The following POLR1A variants were observed in gnomAD, a reference collection of about 807,000 sequenced individuals.
POLR1A encodes DNA-directed RNA polymerase I subunit RPA1.
Under a neutral mutation model 205.3 loss-of-function variants are expected in POLR1A, and 84 were observed. The ratio of observed to expected loss-of-function variants is 0.41; its 90% confidence interval spans 0.34 to 0.49. The LOEUF (loss-of-function observed/expected upper bound fraction) is 0.49, where lower values mean the gene tolerates loss of function less well. Among genes scored for constraint, POLR1A ranks in the 20% least tolerant of loss-of-function variants. The probability of loss-of-function intolerance (pLI) is 0.22; values close to 1 mark genes in which losing one functional copy is unlikely to be tolerated. For missense variants in POLR1A, 1,645 were observed against 2,204.5 expected (o/e 0.75, Z 5.08); for synonymous variants, 799 against 863.7 (o/e 0.93, Z 1.31).
At chr2:86,074,952 G>T in intron 12 of POLR1A, 78 bp downstream of exon 12, 1 of 1,022,172 alleles carries the variant, frequency 9.8e-7, no homozygotes. Flanking sequence ...GCGCACCGGA[G>T]CCACACCTGA....
chr2:86,103,404 C>A (rs933248768), intron 1 of POLR1A, among the ~76,000 whole-genome samples: 3 of 152,054 alleles, frequency 2.0e-5, no homozygotes, highest in Admixed American at 1.3e-4. Flanking sequence ...CTGAAATGAC[C>A]CCTCCAGGCC....
chr2:86,056,323 G>A (rs1220654577), intron 14 of POLR1A, among the ~76,000 whole-genome samples: 2 of 135,756 alleles, frequency 1.5e-5, no homozygotes, highest in Non-Finnish European at 3.2e-5. Context: ...ATGGTGGCGG[G>A]TGCCTGTTAT....
At chr2:86,042,893 T>C in intron 23 of POLR1A, 81 bp downstream of exon 23, 1 of 981,952 alleles carries the variant, frequency 1.0e-6, no homozygotes, top group Non-Finnish European at 1.6e-6. Context: ...TACCTTCTCT[T>C]AGGAAAACAG....
chr2:86,041,386 G>A (rs901739704), intron 24 of POLR1A, among the ~76,000 whole-genome samples: 8 of 149,624 alleles, frequency 5.3e-5, no homozygotes, highest in African/African-American at 7.4e-5. Context: ...CTGAGCTACA[G>A]TGTCTGTGTG....
intron 14 of POLR1A, 41 bp from the exon 15 acceptor site, chr2:86,054,330 G>A: frequency 1.2e-6 from 2 of 1,604,178 alleles, no homozygotes; most frequent in South Asian, 2.2e-5. Context: ...AAAAAGAAAA[G>A]TGATGGCAAA....
chr2:86,094,525 G>C (rs747175133), intron 3 of POLR1A, among the ~76,000 whole-genome samples: 1 of 152,170 alleles, frequency 6.6e-6, no homozygotes, highest in Non-Finnish European at 1.5e-5. Flanking sequence ...TCTCCAAGAA[G>C]CTTTTTTAGT....
intron 3 of POLR1A, among the ~76,000 whole-genome samples, chr2:86,093,166 A>C (rs889660237): frequency 8.5e-5 from 13 of 152,238 alleles, no homozygotes; most frequent in Admixed American, 3.9e-4. Context: ...TTTAGCCACC[A>C]CAGCAAAATA....
intron 31 of POLR1A, among the ~76,000 whole-genome samples, 163 bp downstream of exon 31, chr2:86,030,033 G>A (rs1326242065): frequency 1.4e-4 from 21 of 152,226 alleles, no homozygotes; most frequent in Admixed American, 9.8e-4. Context: ...GGAGGCAGAC[G>A]AGGACACGCA....
intron 3 of POLR1A, among the ~76,000 whole-genome samples, chr2:86,091,655 C>A (rs1470166045): frequency 6.6e-6 from 1 of 152,028 alleles, no homozygotes; most frequent in Non-Finnish European, 1.5e-5. Context: ...TAATTTTATG[C>A]CAATAAATCT....
intron 14 of POLR1A, among the ~76,000 whole-genome samples, chr2:86,055,737 C>T (rs1672883562): frequency 6.6e-6 from 1 of 152,146 alleles, no homozygotes; most frequent in Non-Finnish European, 1.5e-5. Flanking sequence ...ACTCCAACAC[C>T]CTTTCAGGAT....
At chr2:86,059,369 G>C (rs1470654986) in intron 14 of POLR1A, among the ~76,000 whole-genome samples, 1 of 152,178 alleles carries the variant, frequency 6.6e-6, no homozygotes, top group Admixed American at 6.5e-5. Flanking sequence ...CTCGTTCAGA[G>C]TAAGCCATCT....
intron 24 of POLR1A, among the ~76,000 whole-genome samples, chr2:86,041,334 G>A (rs535653424): frequency 1.4e-5 from 2 of 146,726 alleles, no homozygotes; most frequent in African/African-American, 5.1e-5. Context: ...CTTCAAATGG[G>A]AACCCAAAGC....
At chr2:86,087,366 G>A (rs182017286) in intron 6 of POLR1A, among the ~76,000 whole-genome samples, 3 of 152,132 alleles carry the variant, frequency 2.0e-5, no homozygotes, top group Admixed American at 6.5e-5. Context: ...CTCAAACCCT[G>A]GTGAAAGGTT....
intron 14 of POLR1A, among the ~76,000 whole-genome samples, chr2:86,056,558 G>A (rs1672902239): frequency 6.6e-6 from 1 of 152,076 alleles, no homozygotes; most frequent in Non-Finnish European, 1.5e-5. Context: ...AGATAAAAGA[G>A]CCTTCTATTG....
chr2:86,086,588 G>C (rs1232125644), intron 6 of POLR1A, among the ~76,000 whole-genome samples: 1 of 152,150 alleles, frequency 6.6e-6, no homozygotes, highest in African/African-American at 2.4e-5. Flanking sequence ...ATAATGCTGA[G>C]CACCCAACAA....
At chr2:86,056,954 A>G (rs548903633) in intron 14 of POLR1A, among the ~76,000 whole-genome samples, 2 of 152,352 alleles carry the variant, frequency 1.3e-5, no homozygotes, top group South Asian at 4.1e-4. Context: ...CATGTCTGCT[A>G]ACACAATATC....
In POLR1A at chr2:86,022,437, C is replaced by T. The variant is rs368493791; in HGVS notation, c.*4986G>A. The T allele has an allele frequency of 3.2e-4, 49 of 152,164 alleles. No individual in the cohort carries two copies. Among genetic ancestry groups the T allele is most frequent in the African/African-American group, 1.0e-3 (43 of 41,426 alleles). 9.4% of individuals were successfully genotyped at this position (152,164 alleles called of 1,614,324 possible). On this transcript the variant is annotated 3_prime_UTR_variant, in exon 34 of 34. Transcript: ENST00000263857. ...GTGACTCCTTGAGATGTCATCGTAC[C>T]GATAGGTGGTGACGGTGGCTGTGCA...
intron 14 of POLR1A, among the ~76,000 whole-genome samples, chr2:86,058,193 T>A (rs1313910938): frequency 6.6e-6 from 1 of 152,168 alleles, no homozygotes; most frequent in Non-Finnish European, 1.5e-5. Flanking sequence ...CTCCACCTCC[T>A]GGGTTCAAGT....
chr2:86,057,290 A>AG (rs952032867), intron 14 of POLR1A, among the ~76,000 whole-genome samples: 12 of 152,366 alleles, frequency 7.9e-5, no homozygotes, highest in African/African-American at 2.6e-4. Context: ...GAATCTATAA[A>AG]GGAAAAAAAA....
Sources: gnomAD v4.1 joint callset for allele counts (sites outside exome capture counted in the v4.1 genomes callset) on GRCh38, gnomAD v4.1.1 for gene constraint, MANE v1.5 for transcripts, NCBI Gene and HGNC (gene_info 2026-07-23, HGNC 2026-07-21) for gene names.